The following HDAC9 variants were observed in gnomAD, a reference collection of about 807,000 sequenced individuals.
HDAC9 encodes the protein MEF-2 interacting transcription repressor (MITR) protein.
In HDAC9, 41 loss-of-function variants were observed where a neutral mutation model predicts 139.4. That is an observed-to-expected ratio of 0.29 (90% CI 0.23 to 0.38). The LOEUF is 0.38. HDAC9 is among the 10% of genes least tolerant of loss of function. The probability of loss-of-function intolerance (pLI) is 1.00; values close to 1 mark genes in which losing one functional copy is unlikely to be tolerated. For synonymous variants in HDAC9, 517 were observed against 476.2 expected (o/e 1.09, Z -1.12); for missense variants, 1,147 against 1,297.0 (o/e 0.88, Z 1.78).
intron 13 of HDAC9, among the ~76,000 whole-genome samples, chr7:18,739,820 T>C (rs541732530): frequency 3.6e-4 from 55 of 152,364 alleles, no homozygotes; most frequent in African/African-American, 1.1e-3. Context: ...CAGGGACGTT[T>C]AAGTCTGTAG....
At chr7:18,411,248 C>G (rs1472626536) in intron 1 of HDAC9, among the ~76,000 whole-genome samples, 1 of 152,130 alleles carries the variant, frequency 6.6e-6, no homozygotes, top group African/African-American at 2.4e-5. Context: ...GATGGTTTGA[C>G]GTAAGATTTT....
intron 22 of HDAC9, among the ~76,000 whole-genome samples, chr7:18,881,745 C>G (rs1405283030): frequency 5.9e-5 from 9 of 152,088 alleles, no homozygotes; most frequent in Admixed American, 2.6e-4. Context: ...TGTAACTATT[C>G]AGAACGTAGT....
intron 1 of HDAC9, among the ~76,000 whole-genome samples, chr7:18,135,028 C>T (rs1209462520): frequency 1.3e-5 from 2 of 151,992 alleles, no homozygotes; most frequent in Admixed American, 6.6e-5. Flanking sequence ...ATCCTGGAAG[C>T]ATGATAGTAA....
intron 1 of HDAC9, among the ~76,000 whole-genome samples, chr7:18,140,434 C>T (rs918840443): frequency 6.6e-6 from 1 of 151,990 alleles, no homozygotes; most frequent in Non-Finnish European, 1.5e-5. Flanking sequence ...TGTCTTCCAC[C>T]GAACTTTAAA....
At chr7:18,714,518 A>C (rs1263819197) in intron 12 of HDAC9, among the ~76,000 whole-genome samples, 2 of 152,150 alleles carry the variant, frequency 1.3e-5, no homozygotes, top group Non-Finnish European at 2.9e-5. Flanking sequence ...AATAAGGGCT[A>C]TTCACCCTTA....
chr7:18,549,518 T>C (rs1026550548), intron 2 of HDAC9, among the ~76,000 whole-genome samples: 1 of 152,182 alleles, frequency 6.6e-6, no homozygotes, highest in Non-Finnish European at 1.5e-5. Flanking sequence ...TGGATGGACC[T>C]CTAGGGCATT....
chr7:18,602,854 G>T (rs1488417128), intron 6 of HDAC9, among the ~76,000 whole-genome samples: 2 of 151,952 alleles, frequency 1.3e-5, no homozygotes. Context: ...ATTTGTTGAG[G>T]TACATCTTAT....
chr7:18,954,299 A>G, intron 24 of HDAC9, 69 bp downstream of exon 24: 2 of 1,050,194 alleles, frequency 1.9e-6, no homozygotes, highest in South Asian at 1.4e-5. Flanking sequence ...TGAAAATTAT[A>G]GTACAAAGAA....
chr7:18,972,369 C>CTTTTTTTT (rs199909134), intron 24 of HDAC9, among the ~76,000 whole-genome samples: 9 of 94,888 alleles, frequency 9.5e-5, no homozygotes, highest in African/African-American at 2.7e-4. Flanking sequence ...ATGAACTTCT[C>CTTTTTTTT]TTTTTTTTTT....
intron 1 of HDAC9, among the ~76,000 whole-genome samples, chr7:18,329,514 G>T (rs1800741527): frequency 6.8e-6 from 1 of 147,504 alleles, no homozygotes; most frequent in South Asian, 2.1e-4. Flanking sequence ...AGAGTGAATG[G>T]AATAATTGTC....
At chr7:18,680,810 CA>C (rs1781843085) in intron 12 of HDAC9, among the ~76,000 whole-genome samples, 1 of 152,006 alleles carries the variant, frequency 6.6e-6, no homozygotes, top group African/African-American at 2.4e-5. Flanking sequence ...AGGAGATGAA[CA>C]ATATCTTGGC....
Position 18,327,762 on chromosome 7 carries a change from A to G in HDAC9, c.-42+37247A>G, listed in dbSNP as rs1222123129. On this transcript the variant is annotated intron_variant, in intron 1 of 3. Transcript: ENST00000413509. ...TATAATATAGATGAGTTACTCTGAA[A>G]TAATTTTTTATTTCCTACTATCTAA... 2.0e-5 allele frequency: 3 copies of G among 152,014 alleles called. No individual in the cohort carries two copies. The East Asian group carries it at 5.8e-4, about 29-fold the overall frequency. The allele number at this position is 152,014 out of a possible 1,614,324, so 9.4% of individuals were successfully genotyped here. A position where few individuals can be genotyped will look rare whatever the true frequency, so the allele number is the denominator to read the frequency against.
intron 1 of HDAC9, among the ~76,000 whole-genome samples, chr7:18,408,739 A>G (rs1354050634): frequency 6.6e-6 from 1 of 152,136 alleles, no homozygotes; most frequent in Non-Finnish European, 1.5e-5. Context: ...TGATTTCTTT[A>G]GTTTTTTTAT....
At chr7:18,510,857 T>C (rs1441734604) in intron 2 of HDAC9, among the ~76,000 whole-genome samples, 1 of 152,124 alleles carries the variant, frequency 6.6e-6, no homozygotes, top group Non-Finnish European at 1.5e-5. Context: ...GGGAAAGGAA[T>C]GGTATAGGGA....
intron 11 of HDAC9, among the ~76,000 whole-genome samples, chr7:18,664,771 A>G (rs1385596290): frequency 6.6e-6 from 1 of 152,132 alleles, no homozygotes; most frequent in Non-Finnish European, 1.5e-5. Context: ...ATGTGCTCTT[A>G]TAACACCTTG....
chr7:18,693,104 A>C (rs1782788669), intron 12 of HDAC9, among the ~76,000 whole-genome samples: 1 of 152,024 alleles, frequency 6.6e-6, no homozygotes. Context: ...AACTTTAAAA[A>C]GAAAAAAATT....
intron 1 of HDAC9, among the ~76,000 whole-genome samples, chr7:18,092,399 C>CTTTCT (rs1562609632): frequency 9.2e-5 from 13 of 140,862 alleles, no homozygotes; most frequent in Non-Finnish European, 2.0e-4. Context: ...TTCTTTCTTT[C>CTTTCT]TTTTTTTTTT....
intron 17 of HDAC9, among the ~76,000 whole-genome samples, chr7:18,813,888 G>C (rs556260701): frequency 6.6e-6 from 1 of 152,286 alleles, no homozygotes; most frequent in South Asian, 2.1e-4. Context: ...TAGTTGTCTG[G>C]TCTATGGTGT....
intron 1 of HDAC9, among the ~76,000 whole-genome samples, chr7:18,465,133 A>G (rs548002339): frequency 1.3e-5 from 2 of 152,136 alleles, no homozygotes; most frequent in Non-Finnish European, 2.9e-5. Flanking sequence ...ATACGCCATT[A>G]TATGAAGTAC....
Sources: gnomAD v4.1 joint callset for allele counts (sites outside exome capture counted in the v4.1 genomes callset) on GRCh38, gnomAD v4.1.1 for gene constraint, MANE v1.5 for transcripts, NCBI Gene and HGNC (gene_info 2026-07-23, HGNC 2026-07-21) for gene names.